CIP2A: variants seen among roughly 807,000 people sequenced by gnomAD.
The protein encoded by CIP2A is cellular inhibitor of PP2A, also known as protein CIP2A.
Under a neutral mutation model 110.9 loss-of-function variants are expected in CIP2A, and 103 were observed. The observed-to-expected ratio is 0.93, with a 90% CI of 0.79 to 1.09. The LOEUF is 1.09. CIP2A is among the 50% of genes least tolerant of loss of function. The pLI is 0.00. For missense variants in CIP2A, 1,088 were observed against 1,038.4 expected (o/e 1.05, Z -0.66); for synonymous variants, 381 against 361.6 (o/e 1.05, Z -0.61).
intron 2 of CIP2A, 108 bp downstream of exon 2, chr3:108,584,957 G>A (rs2107372202): frequency 1.0e-6 from 1 of 1,003,556 alleles, no homozygotes; most frequent in South Asian, 1.8e-5. Flanking sequence ...AGACTGAGAA[G>A]TCTTTGAAGG....
At chr3:108,581,970 G>T in intron 4 of CIP2A, 138 bp downstream of exon 4, 1 of 448,222 alleles carries the variant, frequency 2.2e-6, no homozygotes. Context: ...AATCATCTGG[G>T]CAGAACAAAT....
At chr3:108,557,780 T>C (rs1051828318) in intron 16 of CIP2A, among the ~76,000 whole-genome samples, 3 of 152,108 alleles carry the variant, frequency 2.0e-5, no homozygotes, top group Admixed American at 6.6e-5. Context: ...TCATTTCAGG[T>C]GAGAATTAAG....
At chr3:108,562,489 C>A (rs1022296704) in intron 13 of CIP2A, among the ~76,000 whole-genome samples, 4 of 152,054 alleles carry the variant, frequency 2.6e-5, no homozygotes, top group African/African-American at 9.7e-5. Context: ...TTTACAAATT[C>A]ATACATATAA....
At chr3:108,565,228 T>C (rs1938142404) in intron 12 of CIP2A, 127 bp downstream of exon 12, 1 of 560,988 alleles carries the variant, frequency 1.8e-6, no homozygotes, top group South Asian at 2.6e-5. Context: ...ACAACAACTT[T>C]AAACTTTCTT....
In CIP2A at chr3:108,579,143, G is replaced by C. The variant is rs1016421629; in HGVS notation, c.818+138C>G. On this transcript the variant is annotated intron_variant, in intron 7 of 20. Coordinates refer to ENST00000295746, the MANE Select transcript of CIP2A (RefSeq NM_020890.3). ...GGAAAGAAAAAAGAGTGTGAGTAAAGCACATCAAAACATTTTAGTCTACTG... is the reference window on the plus strand; with the variant it reads ...GGAAAGAAAAAAGAGTGTGAGTAAACCACATCAAAACATTTTAGTCTACTG... The C allele has an allele frequency of 7.4e-5, 47 of 635,064 alleles. 1 individual carries two copies. The South Asian group carries it at 9.4e-4, about 13-fold the overall frequency. The allele number at this position is 635,064 out of a possible 1,614,324, so 39.3% of individuals were successfully genotyped here. A position where few individuals can be genotyped will look rare whatever the true frequency, so the allele number is the denominator to read the frequency against.
Position 108,551,073 on chromosome 3 carries a change from C to G in CIP2A, c.*76G>C. ...TTGTTACGAAGTCACAAATTAACTC[C>G]CCTACCCACCCCCCCTCCAATAGAT... On this transcript the variant is annotated 3_prime_UTR_variant, in exon 21 of 21. Coordinates refer to ENST00000295746, the MANE Select transcript of CIP2A (RefSeq NM_020890.3). 4 of 397,120 alleles carry G rather than the reference C, an allele frequency of 1.0e-5. No homozygotes were observed. The highest frequency in any genetic ancestry group is 1.8e-5 in the Non-Finnish European group (4 of 225,880). The allele number at this position is 397,120 out of a possible 1,614,324, so 24.6% of individuals were successfully genotyped here. A position where few individuals can be genotyped will look rare whatever the true frequency, so the allele number is the denominator to read the frequency against.
intron 7 of CIP2A, among the ~76,000 whole-genome samples, chr3:108,577,701 C>T (rs1407261940): frequency 6.6e-6 from 1 of 152,114 alleles, no homozygotes; most frequent in Admixed American, 6.5e-5. Flanking sequence ...GAGTTCAAGA[C>T]CAGCCTGGCC....
intron 18 of CIP2A, among the ~76,000 whole-genome samples, chr3:108,554,068 G>GT (rs2107310443): frequency 6.6e-6 from 1 of 151,794 alleles, no homozygotes; most frequent in East Asian, 1.9e-4. Flanking sequence ...GCTAATTTTT[G>GT]TATTTTCAGT....
chr3:108,554,805 G>A (rs1224792524), intron 17 of CIP2A, among the ~76,000 whole-genome samples: 2 of 152,022 alleles, frequency 1.3e-5, no homozygotes, highest in Non-Finnish European at 2.9e-5. Flanking sequence ...ATAAGTTTAG[G>A]GTTCTACATT....
chr3:108,575,199 A>G (rs1266592275), intron 8 of CIP2A: 1 of 152,100 alleles, frequency 6.6e-6, no homozygotes, highest in Non-Finnish European at 1.5e-5. Flanking sequence ...GAACCAAAGA[A>G]AGTCTAGATA....
At chr3:108,577,886 G>T (rs1938715869) in intron 7 of CIP2A, among the ~76,000 whole-genome samples, 1 of 152,126 alleles carries the variant, frequency 6.6e-6, no homozygotes, top group African/African-American at 2.4e-5. Context: ...GCAATAGAGC[G>T]AGACTCTGTC....
chr3:108,566,352 CA>C (rs1938180632), intron 11 of CIP2A, 144 bp downstream of exon 11: 1 of 603,242 alleles, frequency 1.7e-6, no homozygotes, highest in African/African-American at 1.9e-5. Flanking sequence ...AATGAATTTA[CA>C]AAAAATTCAT....
At position 108,557,201 on chromosome 3, in the gene CIP2A, G is replaced by T. The variant is rs1221851879; in HGVS notation, c.2210+17C>A. The T allele has an allele frequency of 6.6e-7, 1 of 1,510,908 alleles. No individual in the cohort carries two copies. The highest frequency in any genetic ancestry group is 9.0e-7 in the Non-Finnish European group (1 of 1,107,798). 93.6% of individuals were successfully genotyped at this position (1,510,908 alleles called of 1,614,324 possible). A position where few individuals can be genotyped will look rare whatever the true frequency, so the allele number is the denominator to read the frequency against. Reference sequence around the variant, plus strand: ...TTCTAGGTTCTAACCTTACACAGAAGATTTTACTTTATTTACCTCTGAAGA... The same window carrying T: ...TTCTAGGTTCTAACCTTACACAGAATATTTTACTTTATTTACCTCTGAAGA... On this transcript the variant is annotated intron_variant, in intron 17 of 20. Transcript: ENST00000295746.
intron 16 of CIP2A, among the ~76,000 whole-genome samples, chr3:108,559,408 A>G (rs1191972692): frequency 6.6e-6 from 1 of 152,194 alleles, no homozygotes; most frequent in African/African-American, 2.4e-5. Context: ...GTGCTCAGGA[A>G]AATGATCTGT....
intron 16 of CIP2A, among the ~76,000 whole-genome samples, chr3:108,557,681 G>A (rs574394925): frequency 2.0e-5 from 3 of 151,984 alleles, no homozygotes; most frequent in East Asian, 1.9e-4. Flanking sequence ...CATGAAGGTC[G>A]CGCTACATAC....
intron 8 of CIP2A, among the ~76,000 whole-genome samples, chr3:108,573,167 T>C (rs1393169643): frequency 6.6e-6 from 1 of 152,104 alleles, no homozygotes; most frequent in African/African-American, 2.4e-5. Flanking sequence ...CATGATCCTT[T>C]TTATGTGTCA....
rs79856187 is a variant in CIP2A, at chr3:108,563,599, A to T, written c.1516-355T>A. 3.2e-4 allele frequency among the ~76,000 whole-genome samples: 49 copies of T among 152,194 alleles called. No homozygotes were observed. The East Asian group carries it at 9.3e-3, about 29-fold the overall frequency. ...CCAAGCTATCATTTAAAAGAAAAAA[A>T]TGGCCAATCACTTCCAAATTAAGGC... is the stretch of plus-strand genomic sequence containing the variant. On this transcript the variant is annotated intron_variant, in intron 12 of 20. Transcript: ENST00000295746.
intron 16 of CIP2A, among the ~76,000 whole-genome samples, chr3:108,557,696 T>C (rs1216258298): frequency 6.6e-6 from 1 of 152,096 alleles, no homozygotes; most frequent in Admixed American, 6.6e-5. Context: ...ACATACAGTA[T>C]TCAATTAAAA....
rs1938142492 is a variant in CIP2A, at chr3:108,565,234, TTCTTC to T, written c.1515+116_1515+120del. ...CTGCTTAAGACAACAACTTTAAACT[TTCTTC>T]TCATTGCCAATTCTAAGAGAATTAT... On this transcript the variant is annotated intron_variant, in intron 12 of 20. Transcript: ENST00000295746. 8.6e-5 allele frequency: 49 copies of T among 570,710 alleles called. 2 individuals carry two copies. The South Asian group carries it at 1.2e-3, about 14-fold the overall frequency. 35.4% of individuals were successfully genotyped at this position (570,710 alleles called of 1,614,324 possible).
Sources: gnomAD v4.1 joint callset for allele counts (sites outside exome capture counted in the v4.1 genomes callset) on GRCh38, gnomAD v4.1.1 for gene constraint, MANE v1.5 for transcripts, NCBI Gene and HGNC (gene_info 2026-07-23, HGNC 2026-07-21) for gene names.